The following BTG4 variants were observed in gnomAD, a reference collection of about 807,000 sequenced individuals.
BTG4 encodes the protein BTG anti-proliferation factor 4, also known as protein BTG4.
A neutral mutation model predicts 19.3 loss-of-function variants in BTG4; 10 were observed. The observed-to-expected ratio is 0.52, with a 90% CI of 0.32 to 0.88. The LOEUF (loss-of-function observed/expected upper bound fraction) is 0.88, where lower values mean the gene tolerates loss of function less well. Ranked by LOEUF, BTG4 falls within the 40% of genes least tolerant of loss-of-function variation. The pLI is 0.04. For synonymous variants in BTG4, 91 were observed against 95.7 expected, an observed-to-expected ratio of 0.95 and a Z score of 0.29; for missense variants, 238 against 281.9, an observed-to-expected ratio of 0.84 and a Z score of 1.11.
the BTG4 span, among the ~76,000 whole-genome samples, chr11:111,395,485 G>T: frequency 6.6e-6 from 1 of 152,220 alleles, no homozygotes; most frequent in Non-Finnish European, 1.5e-5. Flanking sequence ...CACCCCTGTG[G>T]GTGTCCGAGA....
At chr11:111,443,674 A>G in the BTG4 span, among the ~76,000 whole-genome samples, 1 of 152,232 alleles carries the variant, frequency 6.6e-6, no homozygotes. Context: ...AAAGTCAGGT[A>G]AAATCAGAAC....
chr11:111,496,003 C>G (rs1944115), intron 4 of BTG4, among the ~76,000 whole-genome samples: 4 of 151,956 alleles, frequency 2.6e-5, no homozygotes. Flanking sequence ...AAACTAGGGA[C>G]AAAACATTTG....
the BTG4 span, among the ~76,000 whole-genome samples, chr11:111,426,966 C>T: frequency 8.5e-5 from 13 of 152,312 alleles, no homozygotes; most frequent in Non-Finnish European, 1.8e-4. Context: ...TTTACAATCC[C>T]ACCACTGAAG....
the BTG4 span, among the ~76,000 whole-genome samples, chr11:111,392,177 T>TTC: frequency 3.5e-5 from 4 of 114,792 alleles, no homozygotes; most frequent in East Asian, 2.2e-4. Context: ...TTCTTTTTTT[T>TTC]TTTTTTTTTT....
the BTG4 span, among the ~76,000 whole-genome samples, chr11:111,388,710 A>T: frequency 6.6e-6 from 1 of 152,064 alleles, no homozygotes; most frequent in Non-Finnish European, 1.5e-5. Flanking sequence ...CAAAGCTCTC[A>T]GCCTCACTTC....
At chr11:111,474,155 T>C (rs1005839070) in intron 5 of BTG4, among the ~76,000 whole-genome samples, 1 of 152,152 alleles carries the variant, frequency 6.6e-6, no homozygotes, top group East Asian at 1.9e-4. Flanking sequence ...ATCCACTTTA[T>C]TTAAAGTTAT....
the BTG4 span, among the ~76,000 whole-genome samples, chr11:111,402,388 T>TATC: frequency 1.3e-5 from 2 of 152,338 alleles, no homozygotes; most frequent in East Asian, 3.9e-4. Context: ...TGTTATTTTG[T>TATC]ATCAATCTAA....
chr11:111,479,832 C>T (rs1864623818), intron 5 of BTG4, among the ~76,000 whole-genome samples: 1 of 151,894 alleles, frequency 6.6e-6, no homozygotes, highest in Non-Finnish European at 1.5e-5. Context: ...AGAGCAACCA[C>T]TAAAAAAGCT....
At chr11:111,451,274 A>C in the BTG4 span, 1 of 378,530 alleles carries the variant, frequency 2.6e-6, no homozygotes, top group Middle Eastern at 3.7e-4. Context: ...CACTGGAGCA[A>C]TATGACTGGC....
At chr11:111,393,037 G>A in the BTG4 span, among the ~76,000 whole-genome samples, 5 of 152,168 alleles carry the variant, frequency 3.3e-5, no homozygotes, top group Admixed American at 6.5e-5. Context: ...ATATGCCACA[G>A]AGTGATGACA....
chr11:111,480,650 A>C (rs1322381225), intron 5 of BTG4, among the ~76,000 whole-genome samples: 1 of 151,942 alleles, frequency 6.6e-6, no homozygotes, highest in Non-Finnish European at 1.5e-5. Flanking sequence ...AAATAACAAA[A>C]ACCGGTAAAT....
the BTG4 span, among the ~76,000 whole-genome samples, chr11:111,419,984 G>T: frequency 6.6e-6 from 1 of 152,210 alleles, no homozygotes; most frequent in Non-Finnish European, 1.5e-5. Context: ...CAGGAGGGAG[G>T]TGTTGCTGAC....
the BTG4 span, among the ~76,000 whole-genome samples, chr11:111,387,831 T>C: frequency 6.6e-6 from 1 of 152,188 alleles, no homozygotes; most frequent in Non-Finnish European, 1.5e-5. Flanking sequence ...AAAGAATATG[T>C]TTCTGGGCTA....
At chr11:111,473,520 T>C (rs1375422557) in intron 5 of BTG4, 2 of 152,238 alleles carry the variant, frequency 1.3e-5, no homozygotes, top group Non-Finnish European at 2.9e-5. Context: ...TAATTGAACA[T>C]GTCCACAGAA....
chr11:111,413,130 A>T, the BTG4 span, among the ~76,000 whole-genome samples: 1 of 152,322 alleles, frequency 6.6e-6, no homozygotes, highest in African/African-American at 2.4e-5. Flanking sequence ...GACTAGAAGG[A>T]GGTGGAAAAG....
chr11:111,498,088 C>G lies in BTG4; in HGVS notation c.221G>C (p.Arg74Thr). The part of the protein sequence containing the change: ...NNQNKDPILE[R>T]ACVESNVDFS... The stretch of plus-strand genomic sequence containing the variant: ...ATCTACATTACTTTCCACACATGCC[C>G]TTTCTAGAATGGGATCTTTATTCTG... The change falls in exon 3 of 5, where the codon AGG (arginine) becomes ACG (threonine). Residue 74 changes from arginine to threonine, a missense_variant. Coordinates refer to ENST00000692032, the MANE Select transcript of BTG4 (RefSeq NM_001367975.1). 1 of 1,614,162 alleles carries G rather than the reference C, an allele frequency of 6.2e-7. No individual in the cohort carries two copies. The highest frequency in any genetic ancestry group is 8.5e-7 in the Non-Finnish European group (1 of 1,179,996).
chr11:111,505,851 C>G (rs895303300), intron 1 of BTG4, among the ~76,000 whole-genome samples: 2 of 151,862 alleles, frequency 1.3e-5, no homozygotes, highest in Non-Finnish European at 2.9e-5. Flanking sequence ...GAAATACAAA[C>G]AGCTAACAAA....
At chr11:111,421,921 A>T in the BTG4 span, among the ~76,000 whole-genome samples, 6,644 of 152,124 alleles carry the variant, frequency 0.044, 233 homozygotes, top group Non-Finnish European at 0.07. Flanking sequence ...AGACAAAAAA[A>T]AAGGCAGAAG....
At chr11:111,512,790 CG>C (rs1403016218), upstream of BTG4, 2 of 245,386 alleles carry the variant, frequency 8.2e-6, no homozygotes, top group South Asian at 4.5e-5. Flanking sequence ...GCGAGGCCGG[CG>C]GGGGTCCCGC....
Sources: allele counts gnomAD v4.1 joint callset (sites outside exome capture counted in the v4.1 genomes callset), GRCh38; gene constraint gnomAD v4.1.1; transcripts MANE v1.5; gene names NCBI Gene and HGNC (gene_info 2026-07-23, HGNC 2026-07-21).